CDH7: variants seen among roughly 807,000 people sequenced by gnomAD.
CDH7 encodes the protein cadherin 7, also known as cadherin-7.
Under a neutral mutation model 71.8 loss-of-function variants are expected in CDH7, and 25 were observed. The ratio of observed to expected loss-of-function variants is 0.35; its 90% confidence interval spans 0.25 to 0.49. The LOEUF is 0.49. Among genes scored for constraint, CDH7 ranks in the 20% least tolerant of loss-of-function variants. The pLI, the probability that CDH7 is intolerant of heterozygous loss-of-function variation, is 0.99. For synonymous variants in CDH7, 381 were observed against 363.8 expected, an observed-to-expected ratio of 1.05 and a Z score of -0.54; for missense variants, 862 against 974.6, an observed-to-expected ratio of 0.88 and a Z score of 1.54.
At chr18:65,752,827 C>T (rs913625307) in intron 1 of CDH7, among the ~76,000 whole-genome samples, 2 of 152,158 alleles carry the variant, frequency 1.3e-5, no homozygotes, top group African/African-American at 4.8e-5. Context: ...CAGACCATCA[C>T]CCTGCTAAAA....
chr18:65,781,864 TTCTCTCTCTCTC>T, intron 2 of CDH7, among the ~76,000 whole-genome samples: 1 of 54,618 alleles, frequency 1.8e-5, no homozygotes, highest in South Asian at 7.2e-4. Flanking sequence ...CTTTCTTTCT[TTCTCTCTCTCTC>T]TCTGTCTCTC....
At chr18:65,846,393 G>A (rs181534524) in intron 7 of CDH7, among the ~76,000 whole-genome samples, 11 of 152,178 alleles carry the variant, frequency 7.2e-5, no homozygotes, top group East Asian at 5.8e-4. Flanking sequence ...AGCTTACATC[G>A]TTATCTCACA....
chr18:65,814,339 T>C (rs771632577), intron 3 of CDH7, 146 bp from the exon 4 acceptor site: 69 of 795,804 alleles, frequency 8.7e-5, no homozygotes, highest in Non-Finnish European at 1.4e-4. Flanking sequence ...CTTAAAAAAA[T>C]ACTGTATCCA....
At chr18:65,827,725 GC>G (rs1304519119) in intron 6 of CDH7, among the ~76,000 whole-genome samples, 1 of 151,696 alleles carries the variant, frequency 6.6e-6, no homozygotes, top group East Asian at 1.9e-4. Flanking sequence ...CCATATTGAG[GC>G]AAAACCATTA....
rs1390383313 is a variant in CDH7, at chr18:65,881,695, G to A, written c.*801G>A. On this transcript the variant is annotated 3_prime_UTR_variant, in exon 12 of 12. Transcript: ENST00000397968. ...TCTTTTCTTTTTTATTTGACACATG[G>A]TGTTGTATTTATTTTGGAGCTCCAA... is the stretch of plus-strand genomic sequence containing the variant. 1 of 151,992 alleles carries A rather than the reference G, an allele frequency of 6.6e-6. No homozygotes were observed. Among genetic ancestry groups the A allele is most frequent in the Non-Finnish European group, 1.5e-5 (1 of 67,988 alleles). The allele number at this position is 151,992 out of a possible 1,614,324, so 9.4% of individuals were successfully genotyped here. A position where few individuals can be genotyped will look rare whatever the true frequency, so the allele number is the denominator to read the frequency against.
At chr18:65,801,429 C>A (rs2143884325) in intron 2 of CDH7, among the ~76,000 whole-genome samples, 1 of 152,238 alleles carries the variant, frequency 6.6e-6, no homozygotes, top group Middle Eastern at 3.4e-3. Context: ...TACAAAGATG[C>A]TAGAAAGGAT....
At chr18:65,874,670 A>C (rs1914022285) in intron 11 of CDH7, among the ~76,000 whole-genome samples, 1 of 151,984 alleles carries the variant, frequency 6.6e-6, no homozygotes, top group Admixed American at 6.6e-5. Context: ...TAAATACATA[A>C]AAATTTAAAA....
chr18:65,777,643 A>G (rs1258694612), intron 2 of CDH7, among the ~76,000 whole-genome samples: 3 of 152,120 alleles, frequency 2.0e-5, no homozygotes, highest in Non-Finnish European at 4.4e-5. Flanking sequence ...TGAAAAGTCT[A>G]GTAGGAATGC....
At chr18:65,832,824 G>A (rs915853829) in intron 6 of CDH7, among the ~76,000 whole-genome samples, 2 of 151,610 alleles carry the variant, frequency 1.3e-5, no homozygotes, top group Non-Finnish European at 2.9e-5. Flanking sequence ...TTTAATATAT[G>A]GAAGTCTTTC....
chr18:65,792,366 A>G (rs1599009411), intron 2 of CDH7, among the ~76,000 whole-genome samples: 1 of 152,058 alleles, frequency 6.6e-6, no homozygotes, highest in Non-Finnish European at 1.5e-5. Context: ...ATACAAGTGT[A>G]AAGAATCAAA....
intron 1 of CDH7, among the ~76,000 whole-genome samples, chr18:65,753,388 TC>T (rs1915940333): frequency 6.6e-6 from 1 of 152,250 alleles, no homozygotes; most frequent in South Asian, 2.1e-4. Flanking sequence ...GTTACAATCT[TC>T]CTGGATTTCA....
At chr18:65,852,654 T>A (rs1913192097) in intron 7 of CDH7, among the ~76,000 whole-genome samples, 1 of 152,076 alleles carries the variant, frequency 6.6e-6, no homozygotes, top group Non-Finnish European at 1.5e-5. Context: ...TTGTACCTCA[T>A]TTTTCAAAAC....
intron 1 of CDH7, among the ~76,000 whole-genome samples, chr18:65,753,694 A>G (rs1282529378): frequency 6.6e-6 from 1 of 152,168 alleles, no homozygotes; most frequent in African/African-American, 2.4e-5. Flanking sequence ...CCATCTCCCC[A>G]GCGTCTGACA....
Position 65,882,330 on chromosome 18 carries a change from C to G in CDH7, c.*1436C>G, listed in dbSNP as rs556749891. The G allele has an allele frequency of 4.6e-5, 7 of 152,186 alleles. No homozygotes were observed. Among genetic ancestry groups the G allele is most frequent in the Non-Finnish European group, 1.0e-4 (7 of 67,952 alleles). The allele number at this position is 152,186 out of a possible 1,614,324, so 9.4% of individuals were successfully genotyped here. A position where few individuals can be genotyped will look rare whatever the true frequency, so the allele number is the denominator to read the frequency against. ...ACCTATTATTTTTCCTAGATTAATA[C>G]TAGTTTAATGTGCATATACATTCAA... On this transcript the variant is annotated 3_prime_UTR_variant, in exon 12 of 12. Coordinates refer to ENST00000397968, the MANE Select transcript of CDH7 (RefSeq NM_004361.5).
Position 65,882,672 on chromosome 18 carries a change from G to A in CDH7, c.*1778G>A, listed in dbSNP as rs564373415. 1 of 152,076 alleles carries A rather than the reference G, an allele frequency of 6.6e-6. No individual in the cohort carries two copies. Among genetic ancestry groups the A allele is most frequent in the South Asian group, 2.1e-4 (1 of 4,824 alleles). The allele number at this position is 152,076 out of a possible 1,614,324, so 9.4% of individuals were successfully genotyped here. A position where few individuals can be genotyped will look rare whatever the true frequency, so the allele number is the denominator to read the frequency against. On this transcript the variant is annotated 3_prime_UTR_variant, in exon 12 of 12. Coordinates refer to ENST00000397968, the MANE Select transcript of CDH7 (RefSeq NM_004361.5). ...ATTTGAATAGAGTTTTGTAGACATT[G>A]TTTTATGACTATATAGATATGCTTC...
chr18:65,864,095 G>T (rs868155195), intron 11 of CDH7: 1 of 152,112 alleles, frequency 6.6e-6, no homozygotes, highest in African/African-American at 2.4e-5. Context: ...AAATCTAAAA[G>T]AAAATAAACT....
intron 2 of CDH7, chr18:65,803,437 T>C (rs1452579942): frequency 6.6e-6 from 1 of 152,212 alleles, no homozygotes; most frequent in Non-Finnish European, 1.5e-5. Context: ...TTTCCTTTAT[T>C]CTTGTTTGTA....
rs539640437 is a variant in CDH7, at chr18:65,830,288, G to A, written c.981+5457G>A. Among the ~76,000 whole-genome samples the A allele has an allele frequency of 7.9e-5, 12 of 152,202 alleles. No homozygotes were observed. In the South Asian group the frequency reaches 1.7e-3, roughly 21 times the overall value. On this transcript the variant is annotated intron_variant, in intron 6 of 11. Coordinates refer to ENST00000397968, the MANE Select transcript of CDH7 (RefSeq NM_004361.5). ...ATATGTACAGTGCTTTGCAAATAGAGTGGATTACACATAATACATATTGTA... is the reference window on the plus strand; with the variant it reads ...ATATGTACAGTGCTTTGCAAATAGAATGGATTACACATAATACATATTGTA...
chr18:65,765,233 G>T (rs1462100176), intron 2 of CDH7, among the ~76,000 whole-genome samples: 1 of 151,910 alleles, frequency 6.6e-6, no homozygotes, highest in Non-Finnish European at 1.5e-5. Context: ...GATGGAAGGA[G>T]AATTTGTACA....
Sources: allele counts gnomAD v4.1 joint callset (sites outside exome capture counted in the v4.1 genomes callset), GRCh38; gene constraint gnomAD v4.1.1; transcripts MANE v1.5; gene names NCBI Gene and HGNC (gene_info 2026-07-23, HGNC 2026-07-21).